The following SH3RF1 variants were observed in gnomAD, a reference collection of about 807,000 sequenced individuals.
The protein encoded by SH3RF1 is E3 ubiquitin-protein ligase SH3RF1.
SH3RF1 carries 32 observed loss-of-function variants against 74.0 expected under a neutral mutation model. The ratio of observed to expected loss-of-function variants is 0.43; its 90% confidence interval spans 0.33 to 0.58. The LOEUF is 0.58. Ranked by LOEUF, SH3RF1 falls within the 20% of genes least tolerant of loss-of-function variation. SH3RF1 has a pLI of 0.05. For missense variants in SH3RF1, 954 were observed against 1,130.9 expected (o/e 0.84, Z 2.24); for synonymous variants, 396 against 439.6 (o/e 0.90, Z 1.24).
chr4:169,225,116 A>G (rs73863698), intron 2 of SH3RF1, among the ~76,000 whole-genome samples: 2,070 of 152,324 alleles, frequency 0.014, 34 homozygotes, highest in African/African-American at 0.047. Flanking sequence ...TATTACCAAG[A>G]CAAGGTTAGT....
chr4:169,213,040 C>T (rs1025815893), intron 2 of SH3RF1, among the ~76,000 whole-genome samples: 3 of 152,306 alleles, frequency 2.0e-5, no homozygotes, highest in Non-Finnish European at 2.9e-5. Flanking sequence ...TTTCGACTAA[C>T]TTAGGCAAAC....
chr4:169,096,831 A>G (rs1732940002), intron 11 of SH3RF1, 144 bp from the exon 12 acceptor site: 1 of 827,458 alleles, frequency 1.2e-6, no homozygotes, highest in East Asian at 2.7e-5. Flanking sequence ...AAATACTGCT[A>G]TTTTCTGTTT....
chr4:169,220,351 T>A (rs75912282), intron 2 of SH3RF1: 1 of 152,250 alleles, frequency 6.6e-6, no homozygotes, highest in African/African-American at 2.4e-5. Flanking sequence ...TTTAAATACA[T>A]GTTCCTTCGC....
At chr4:169,270,116 C>G (rs1445259563) in intron 1 of SH3RF1, among the ~76,000 whole-genome samples, 1 of 152,244 alleles carries the variant, frequency 6.6e-6, no homozygotes, top group African/African-American at 2.4e-5. Flanking sequence ...CGCTCTCCCC[C>G]CACCGCCAAA....
At chr4:169,200,541 TCAC>T in intron 2 of SH3RF1, among the ~76,000 whole-genome samples, 1 of 152,134 alleles carries the variant, frequency 6.6e-6, no homozygotes, top group African/African-American at 2.4e-5. Flanking sequence ...GAACCACAGC[TCAC>T]AACAGGGATG....
At chr4:169,123,384 A>G (rs1339090444) in intron 6 of SH3RF1, among the ~76,000 whole-genome samples, 1 of 152,202 alleles carries the variant, frequency 6.6e-6, no homozygotes, top group Non-Finnish European at 1.5e-5. Flanking sequence ...TAACTATTCG[A>G]TGCATTATGT....
chr4:169,244,596 G>T (rs1340593679), intron 2 of SH3RF1, among the ~76,000 whole-genome samples: 1 of 152,112 alleles, frequency 6.6e-6, no homozygotes, highest in Non-Finnish European at 1.5e-5. Context: ...GCACTGCTTG[G>T]CAGAGAAAGA....
rs1304812070 is a variant in SH3RF1, at chr4:169,121,960, T to C, written c.1346+140A>G. On this transcript the variant is annotated intron_variant, in intron 7 of 11. Coordinates refer to ENST00000284637, the MANE Select transcript of SH3RF1 (RefSeq NM_020870.4). ...TTCCCTAGTTACATGCATGACCAGGTAGAAGTTTGCAGGACACAGACCGCT... is the reference window on the plus strand; with the variant it reads ...TTCCCTAGTTACATGCATGACCAGGCAGAAGTTTGCAGGACACAGACCGCT... 7 of 1,046,802 alleles carry C rather than the reference T, an allele frequency of 6.7e-6. No individual in the cohort carries two copies. In the East Asian group the frequency reaches 1.5e-4, roughly 23 times the overall value. 64.8% of individuals were successfully genotyped at this position (1,046,802 alleles called of 1,614,324 possible). A position where few individuals can be genotyped will look rare whatever the true frequency, so the allele number is the denominator to read the frequency against.
intron 2 of SH3RF1, among the ~76,000 whole-genome samples, chr4:169,265,783 G>C (rs1731342170): frequency 6.6e-6 from 1 of 152,158 alleles, no homozygotes; most frequent in Non-Finnish European, 1.5e-5. Flanking sequence ...GCCAGCTTAA[G>C]AGAATATTAA....
intron 11 of SH3RF1, among the ~76,000 whole-genome samples, chr4:169,105,898 G>C (rs1016779467): frequency 6.6e-6 from 1 of 152,118 alleles, no homozygotes; most frequent in African/African-American, 2.4e-5. Context: ...AAAAAGAAGA[G>C]AGTTCTCTTA....
intron 2 of SH3RF1, among the ~76,000 whole-genome samples, chr4:169,160,902 C>T (rs942726104): frequency 6.6e-6 from 1 of 152,218 alleles, no homozygotes; most frequent in Non-Finnish European, 1.5e-5. Flanking sequence ...CCTAGGACTA[C>T]TCTGTGGATA....
chr4:169,220,667 A>G (rs929658286), intron 2 of SH3RF1, among the ~76,000 whole-genome samples: 2 of 152,042 alleles, frequency 1.3e-5, no homozygotes, highest in Admixed American at 6.5e-5. Flanking sequence ...CTTTCACTGT[A>G]CTGGATTCCT....
intron 5 of SH3RF1, among the ~76,000 whole-genome samples, chr4:169,134,728 A>G (rs1262194938): frequency 6.6e-6 from 1 of 152,122 alleles, no homozygotes; most frequent in African/African-American, 2.4e-5. Flanking sequence ...CACGGATATG[A>G]TTAGTTAAAT....
chr4:169,185,602 G>A (rs1312965226), intron 2 of SH3RF1, among the ~76,000 whole-genome samples: 10 of 152,276 alleles, frequency 6.6e-5, no homozygotes, highest in Admixed American at 4.6e-4. Flanking sequence ...CTAGGGTACC[G>A]AGAAAGTGGG....
chr4:169,105,803 T>C (rs1733123582), intron 11 of SH3RF1, among the ~76,000 whole-genome samples: 1 of 152,192 alleles, frequency 6.6e-6, no homozygotes, highest in South Asian at 2.1e-4. Flanking sequence ...GGAGGATCAC[T>C]TGAGCCCAGG....
intron 2 of SH3RF1, among the ~76,000 whole-genome samples, chr4:169,175,680 G>A (rs773811915): frequency 9.2e-5 from 14 of 152,070 alleles, no homozygotes; most frequent in Non-Finnish European, 1.9e-4. Flanking sequence ...CATTTATCAT[G>A]ACTAGGCACC....
At chr4:169,195,374 A>G (rs552075197) in intron 2 of SH3RF1, among the ~76,000 whole-genome samples, 1 of 152,212 alleles carries the variant, frequency 6.6e-6, no homozygotes, top group East Asian at 1.9e-4. Context: ...TTCTGCTTTT[A>G]TTAGCATTAC....
intron 2 of SH3RF1, among the ~76,000 whole-genome samples, chr4:169,221,459 C>A (rs1730563383): frequency 6.6e-6 from 1 of 152,060 alleles, no homozygotes; most frequent in Non-Finnish European, 1.5e-5. Context: ...TGGGTCTGAT[C>A]CCTATGAAAG....
At position 169,136,396 on chromosome 4, in the gene SH3RF1, G is replaced by T; in HGVS notation, c.990C>A (p.Val330=). ...CAGTGGGGTTGCTGGAGCTGATGAG[G>T]ACAGGGGGGCTGATCTCCATGGAGT... is the stretch of plus-strand genomic sequence containing the variant. ...NRHSMEISPP[V]LISSSNPTAA... is the part of the protein sequence containing the mutation. The change falls in exon 5 of 12, where the codon GTC becomes GTA. Residue 330 remains valine, a synonymous_variant. Coordinates refer to ENST00000284637, the MANE Select transcript of SH3RF1 (RefSeq NM_020870.4). 1 of 1,603,156 alleles carries T rather than the reference G, an allele frequency of 6.2e-7. No individual in the cohort carries two copies. Among genetic ancestry groups the T allele is most frequent in the Non-Finnish European group, 8.5e-7 (1 of 1,174,974 alleles).
Sources: allele counts gnomAD v4.1 joint callset (sites outside exome capture counted in the v4.1 genomes callset), GRCh38; gene constraint gnomAD v4.1.1; transcripts MANE v1.5; gene names NCBI Gene and HGNC (gene_info 2026-07-23, HGNC 2026-07-21).